Variants in TAOK3 observed in about 807,000 individuals in gnomAD.
The protein encoded by TAOK3 is TAO kinase 3.
In TAOK3, 40 loss-of-function variants were observed where a neutral mutation model predicts 120.4. That is an observed-to-expected ratio of 0.33 (90% CI 0.26 to 0.43). The LOEUF (loss-of-function observed/expected upper bound fraction) is 0.43. Ranked by LOEUF, TAOK3 falls within the 20% of genes least tolerant of loss-of-function variation. The pLI is 1.00. For synonymous variants in TAOK3, 355 were observed against 387.5 expected, an observed-to-expected ratio of 0.92 and a Z score of 0.99; for missense variants, 821 against 1,112.1, an observed-to-expected ratio of 0.74 and a Z score of 3.72.
At chr12:118,339,531 G>A (rs376381267) in intron 1 of TAOK3, among the ~76,000 whole-genome samples, 1 of 151,164 alleles carries the variant, frequency 6.6e-6, no homozygotes, top group African/African-American at 2.4e-5. Context: ...CATATCAGAG[G>A]GCTTTGAAAG....
At chr12:118,243,614 T>C in intron 4 of TAOK3, 98 bp from the exon 5 acceptor site, 1 of 475,202 alleles carries the variant, frequency 2.1e-6, no homozygotes, top group Non-Finnish European at 3.7e-6. Flanking sequence ...TTATTGTAAA[T>C]GGACATAAAG....
chr12:118,253,755 CA>C (rs11299995), intron 3 of TAOK3, among the ~76,000 whole-genome samples: 39,761 of 145,708 alleles, frequency 0.27, 5,536 homozygotes, highest in Middle Eastern at 0.4. Context: ...AACAAACAAA[CA>C]AAAAAAAAAA....
intron 11 of TAOK3, among the ~76,000 whole-genome samples, chr12:118,211,349 CA>C (rs1448191566): frequency 6.6e-6 from 1 of 152,096 alleles, no homozygotes; most frequent in Non-Finnish European, 1.5e-5. Flanking sequence ...CTGTGTCTTC[CA>C]AATGTATCAT....
intron 1 of TAOK3, among the ~76,000 whole-genome samples, chr12:118,325,202 C>T (rs190140559): frequency 6.6e-6 from 1 of 152,284 alleles, no homozygotes; most frequent in Non-Finnish European, 1.5e-5. Flanking sequence ...GCAAATATCT[C>T]TCTGATTACT....
At chr12:118,305,810 A>G (rs967368145) in intron 1 of TAOK3, among the ~76,000 whole-genome samples, 7 of 150,544 alleles carry the variant, frequency 4.6e-5, no homozygotes, top group African/African-American at 1.7e-4. Flanking sequence ...AGGCTGAGGA[A>G]GGAGCATTGC....
intron 11 of TAOK3, among the ~76,000 whole-genome samples, chr12:118,210,728 C>A (rs2038578407): frequency 1.3e-5 from 2 of 150,118 alleles, no homozygotes; most frequent in African/African-American, 4.9e-5. Context: ...ATATTTATTT[C>A]TTTTCTTTTT....
chr12:118,368,196 GTTATTA>G (rs1208255637), intron 1 of TAOK3, among the ~76,000 whole-genome samples: 1 of 152,088 alleles, frequency 6.6e-6, no homozygotes, highest in Admixed American at 6.6e-5. Flanking sequence ...ACGACTTTTG[GTTATTA>G]TTATTATTTT....
chr12:118,368,748 G>A (rs560876921), intron 1 of TAOK3, among the ~76,000 whole-genome samples: 14 of 150,272 alleles, frequency 9.3e-5, no homozygotes, highest in Non-Finnish European at 1.9e-4. Context: ...GGAGGTTGCA[G>A]TGAGCCGAAA....
At chr12:118,234,263 C>G (rs1305244024) in intron 8 of TAOK3, among the ~76,000 whole-genome samples, 1 of 80,688 alleles carries the variant, frequency 1.2e-5, no homozygotes, top group Non-Finnish European at 2.4e-5. Context: ...GAGTCTGGCT[C>G]TGTCGCCCAG....
chr12:118,260,601 G>A (rs1012123185), intron 2 of TAOK3, among the ~76,000 whole-genome samples: 2 of 152,078 alleles, frequency 1.3e-5, no homozygotes, highest in African/African-American at 4.8e-5. Flanking sequence ...TATTGAAAAG[G>A]GTGGAGAAAA....
intron 16 of TAOK3, among the ~76,000 whole-genome samples, chr12:118,173,966 T>C (rs1002716220): frequency 5.9e-5 from 9 of 152,346 alleles, no homozygotes; most frequent in African/African-American, 1.9e-4. Context: ...AAGTGAAATC[T>C]TAGAATCAAC....
chr12:118,251,076 G>A (rs758809581), intron 3 of TAOK3, among the ~76,000 whole-genome samples: 5 of 152,158 alleles, frequency 3.3e-5, no homozygotes, highest in Admixed American at 6.6e-5. Flanking sequence ...GCCTAAGAAC[G>A]AGGGAGAGCC....
intron 1 of TAOK3, among the ~76,000 whole-genome samples, chr12:118,301,945 C>T (rs2042897603): frequency 6.6e-6 from 1 of 151,870 alleles, no homozygotes; most frequent in South Asian, 2.1e-4. Context: ...TATTTTTTCT[C>T]CTCAGGCTAT....
intron 14 of TAOK3, among the ~76,000 whole-genome samples, chr12:118,187,214 G>A (rs190610077): frequency 2.6e-5 from 4 of 152,214 alleles, no homozygotes; most frequent in East Asian, 1.9e-4. Context: ...GTTAAAGAAC[G>A]AGTAAAACCA....
intron 11 of TAOK3, among the ~76,000 whole-genome samples, chr12:118,204,486 G>C (rs2038192988): frequency 6.6e-6 from 1 of 152,170 alleles, no homozygotes; most frequent in Non-Finnish European, 1.5e-5. Context: ...GACTCTCTTA[G>C]AGGAATTGTG....
Position 118,321,081 on chromosome 12 carries a change from A to G in TAOK3, c.-194+51567T>C, listed in dbSNP as rs528351879. On this transcript the variant is annotated intron_variant, in intron 1 of 20. Transcript: ENST00000392533. The stretch of plus-strand genomic sequence containing the variant: ...AACATTAAAAAAGATCATGGAAAAA[A>G]TCTAGAAGAATATGCCCAAACTGCT... Among the ~76,000 whole-genome samples the G allele has an allele frequency of 3.9e-5, 6 of 152,326 alleles. No individual in the cohort carries two copies. In the South Asian group the frequency reaches 1.0e-3, roughly 26 times the overall value.
chr12:118,218,132 T>C (rs2039031573), intron 9 of TAOK3, among the ~76,000 whole-genome samples: 1 of 151,938 alleles, frequency 6.6e-6, no homozygotes, highest in African/African-American at 2.4e-5. Flanking sequence ...GTATTTTTTA[T>C]TGACCTCTCA....
chr12:118,163,660 A>T (rs971367079), intron 17 of TAOK3, among the ~76,000 whole-genome samples: 1 of 152,002 alleles, frequency 6.6e-6, no homozygotes, highest in Non-Finnish European at 1.5e-5. Context: ...TGAATGCTAT[A>T]AAAGGGGTAA....
rs368324437 is a variant in TAOK3, at chr12:118,191,388, C to T, written c.1195-1447G>A. On this transcript the variant is annotated intron_variant, in intron 13 of 20. Transcript: ENST00000392533. ...ATTGAGGGCATATATATCAAATTCA[C>T]GTATATTCTGCAGCTGCGCTGTCCA... is the stretch of plus-strand genomic sequence containing the variant. 2.6e-5 allele frequency among the ~76,000 whole-genome samples: 4 copies of T among 152,290 alleles called. No homozygotes were observed. In the South Asian group the frequency reaches 8.3e-4, roughly 32 times the overall value.
Sources: gnomAD v4.1 joint callset for allele counts (sites outside exome capture counted in the v4.1 genomes callset) on GRCh38, gnomAD v4.1.1 for gene constraint, MANE v1.5 for transcripts, NCBI Gene and HGNC (gene_info 2026-07-23, HGNC 2026-07-21) for gene names.